The following UNC13A variants were observed in gnomAD, a reference collection of about 807,000 sequenced individuals.
UNC13A encodes unc-13 homolog A, also known as protein unc-13 homolog A.
In UNC13A, 61 loss-of-function variants were observed where a neutral mutation model predicts 219.7. The ratio of observed to expected loss-of-function variants is 0.28; its 90% CI spans 0.23 to 0.34. The LOEUF (loss-of-function observed/expected upper bound fraction) is 0.34, where lower values mean the gene tolerates loss of function less well. UNC13A is among the 10% of genes least tolerant of loss of function. The pLI is 1.00. For synonymous variants in UNC13A, 920 were observed against 884.6 expected (o/e 1.04, Z -0.71); for missense variants, 1,476 against 2,270.3 (o/e 0.65, Z 7.11).
Position 17,641,410 on chromosome 19 carries a change from G to C in UNC13A, c.2619C>G (p.Ser873=). Residue 873 remains serine (S), a synonymous_variant, in exon 21 of 44, where the codon TCC becomes TCG. Transcript: ENST00000519716. Reference sequence around the variant, plus strand: ...AGTCTCACGTCATGGCTTGGTAGATGGACTCGACGCCGTAGCGCATGGCAA... The same window carrying C: ...AGTCTCACGTCATGGCTTGGTAGATCGACTCGACGCCGTAGCGCATGGCAA... ...DEFAMRYGVE[S]IYQAMTHFAC... The C allele has an allele frequency of 6.2e-7, 1 of 1,613,936 alleles. No homozygotes were observed. Among genetic ancestry groups the C allele is most frequent in the South Asian group, 1.1e-5 (1 of 91,052 alleles).
Position 17,611,865 on chromosome 19 carries a change from G to A in UNC13A, c.4559-10C>T. ...TCTTCTACACCCAAGCCTGGGCAGGGCAGGGGAGGATGGTCAGCGTGAGCT... is the reference window on the plus strand; with the variant it reads ...TCTTCTACACCCAAGCCTGGGCAGGACAGGGGAGGATGGTCAGCGTGAGCT... On this transcript the variant is annotated splice_polypyrimidine_tract_variant and intron_variant, in intron 41 of 43. Coordinates refer to ENST00000519716, the MANE Select transcript of UNC13A (RefSeq NM_001080421.3). 1 of 1,612,742 alleles carries A rather than the reference G, an allele frequency of 6.2e-7. No homozygotes were observed. The highest frequency in any genetic ancestry group is 8.5e-7 in the Non-Finnish European group (1 of 1,178,894).
At chr19:17,656,433 A>AC in intron 9 of UNC13A, 35 bp from the exon 10 acceptor site, 1 of 1,467,940 alleles carries the variant, frequency 6.8e-7, no homozygotes, top group Non-Finnish European at 9.0e-7. Flanking sequence ...GGACTGGGGT[A>AC]CCGAGTCACT....
rs2079305925 is a variant in UNC13A, at chr19:17,649,545, G to A, written c.1482C>T (p.Ile494=). 2 of 1,613,922 alleles carry A rather than the reference G, an allele frequency of 1.2e-6. No individual in the cohort carries two copies. The highest frequency in any genetic ancestry group is 1.7e-6 in the Non-Finnish European group (2 of 1,179,874). Residue 494 remains isoleucine, a synonymous_variant, in exon 13 of 44, where the codon ATC becomes ATT. Transcript: ENST00000519716. The surrounding 1 kb of genome is among the most constrained non-coding windows in gnomAD (Gnocchi z 4.4). ...CGAGTGGGATAGGTTTCCTCTTGCG[G>A]ATGTCTGGCATGCTGTCGATGATGA... ...GLIIIDSMPD[I]RKRKPIPLVS...
chr19:17,628,302 C>CTCTTAT, intron 31 of UNC13A: 1 of 290,054 alleles, frequency 3.4e-6, no homozygotes, highest in South Asian at 4.6e-5. Flanking sequence ...GACAGTGACA[C>CTCTTAT]ACTGAAGGCG....
chr19:17,651,481 C>T (rs528681658), intron 12 of UNC13A, among the ~76,000 whole-genome samples: 2 of 152,346 alleles, frequency 1.3e-5, no homozygotes, highest in Non-Finnish European at 2.9e-5. Context: ...CTGCTTCAGC[C>T]TCCCAAAGTG....
chr19:17,656,225 G>C lies in UNC13A; in HGVS notation c.941C>G (p.Ser314Trp). 2 of 1,552,178 alleles carry C rather than the reference G, an allele frequency of 1.3e-6. No individual in the cohort carries two copies. Among genetic ancestry groups the C allele is most frequent in the Admixed American group, 2.0e-5 (1 of 50,992 alleles). Reference sequence around the variant, plus strand: ...TTCCTCATCCTGGTCCCAGCGAGGCGAGTCTTTGTGGTAGCTGACCGAGCT... The same window carrying C: ...TTCCTCATCCTGGTCCCAGCGAGGCCAGTCTTTGTGGTAGCTGACCGAGCT... The part of the protein sequence containing the change: ...CHSSVSYHKD[S>W]PRWDQDEEEL... The change falls in exon 10 of 44, where the codon TCG becomes TGG. Residue 314 changes from serine (S) to tryptophan (W), a missense_variant. Ser to Trp is a radical substitution (Grantham distance 177). This residue lies in a region of UNC13A where 351 missense variants were observed against 342.6 expected (regional missense o/e 1.02). Coordinates refer to ENST00000519716, the MANE Select transcript of UNC13A (RefSeq NM_001080421.3).
chr19:17,626,496 C>T lies in UNC13A; in HGVS notation c.4073+137G>A, dbSNP rs150329052. The T allele has an allele frequency of 5.8e-4, 538 of 920,768 alleles. No individual in the cohort carries two copies. The African/African-American group carries it at 8.4e-3, about 14-fold the overall frequency. The allele number at this position is 920,768 out of a possible 1,614,324, so 57.0% of individuals were successfully genotyped here. ...CCAACTTTCCATCCCCTTCATGCCA[C>T]CATCTACTCAGCCATCCAACTATCC... On this transcript the variant is annotated intron_variant, in intron 34 of 43. Coordinates refer to ENST00000519716, the MANE Select transcript of UNC13A (RefSeq NM_001080421.3).
At chr19:17,652,056 AAT>A (rs1312675751) in intron 12 of UNC13A, among the ~76,000 whole-genome samples, 1 of 152,110 alleles carries the variant, frequency 6.6e-6, no homozygotes, top group East Asian at 1.9e-4. Context: ...CAGGATTACA[AAT>A]ATATAGTGTA....
chr19:17,618,826 C>T, intron 39 of UNC13A, 80 bp downstream of exon 39: 1 of 1,391,968 alleles, frequency 7.2e-7, no homozygotes, highest in Non-Finnish European at 1.0e-6. Context: ...TGGGACCCCT[C>T]CCCCAGGATG....
intron 25 of UNC13A, among the ~76,000 whole-genome samples, chr19:17,638,351 C>T (rs2076932519): frequency 6.6e-6 from 1 of 151,980 alleles, no homozygotes; most frequent in Non-Finnish European, 1.5e-5. Context: ...GCCTATAGTC[C>T]CAGCTACTTG....
chr19:17,674,094 C>T lies in UNC13A; in HGVS notation c.152+563G>A, dbSNP rs1403043785. Reference sequence around the variant, plus strand: ...GAAATTGTAGCTTGGAGGTAGTGGTCAGGGAGGGCTTCACTGAGGAGGTGA... The same window carrying T: ...GAAATTGTAGCTTGGAGGTAGTGGTTAGGGAGGGCTTCACTGAGGAGGTGA... On this transcript the variant is annotated intron_variant, in intron 3 of 43. Coordinates refer to ENST00000519716, the MANE Select transcript of UNC13A (RefSeq NM_001080421.3). The surrounding 1 kb of genome is among the most constrained non-coding windows in gnomAD (Gnocchi z 5.0). Among the ~76,000 whole-genome samples, 3 of 152,162 alleles carry T rather than the reference C, an allele frequency of 2.0e-5. No homozygotes were observed. The highest frequency in any genetic ancestry group is 4.4e-5 in the Non-Finnish European group (3 of 68,026).
At chr19:17,608,806 A>G (rs564527681) in intron 43 of UNC13A, among the ~76,000 whole-genome samples, 323 of 151,802 alleles carry the variant, frequency 2.1e-3, no homozygotes, top group African/African-American at 7.2e-3. Flanking sequence ...GTGAGCCACC[A>G]CACCCAGCCA....
intron 38 of UNC13A, among the ~76,000 whole-genome samples, chr19:17,620,442 G>A (rs1022099426): frequency 8.5e-5 from 13 of 152,100 alleles, no homozygotes; most frequent in Non-Finnish European, 1.5e-4. Context: ...CTGGGCCTCA[G>A]TTTCCCCTGC....
intron 19 of UNC13A, among the ~76,000 whole-genome samples, chr19:17,644,038 C>A (rs1292710633): frequency 1.3e-5 from 2 of 152,196 alleles, no homozygotes; most frequent in Non-Finnish European, 2.9e-5. Context: ...TCTACCCCCT[C>A]AGATTAGGCT....
At chr19:17,680,978 C>A (rs2080004697) in intron 1 of UNC13A, among the ~76,000 whole-genome samples, 1 of 134,772 alleles carries the variant, frequency 7.4e-6, no homozygotes, top group African/African-American at 2.8e-5. Context: ...TGGCTCACTG[C>A]AGCCTCGATC....
intron 17 of UNC13A, 151 bp downstream of exon 17, chr19:17,647,114 C>T: frequency 1.4e-6 from 1 of 721,860 alleles, no homozygotes; most frequent in Non-Finnish European, 2.3e-6. Context: ...CATGTCCCCC[C>T]ATATGCGTGC....
Position 17,658,088 on chromosome 19 carries a change from C to T in UNC13A, c.741G>A (p.Glu247=). 4 of 1,613,734 alleles carry T rather than the reference C, an allele frequency of 2.5e-6. No homozygotes were observed. Among genetic ancestry groups the T allele is most frequent in the Non-Finnish European group, 3.4e-6 (4 of 1,179,820 alleles). Residue 247 remains glutamate (E), a synonymous_variant, in exon 9 of 44, where the codon GAG becomes GAA. Coordinates refer to ENST00000519716, the MANE Select transcript of UNC13A (RefSeq NM_001080421.3). ...TGAGGGCTTGTGGCTCAGAGAACTC[C>T]TCGTAACTGTGCATGGAGTCACTGT... ...ESYSDSMHSY[E]EFSEPQALSP...
chr19:17,642,067 C>G (rs149742590), intron 20 of UNC13A, among the ~76,000 whole-genome samples: 1 of 107,048 alleles, frequency 9.3e-6, no homozygotes. Context: ...TACCTATCTA[C>G]CCATCTGACT....
rs114376305 is a variant in UNC13A at position 17,675,885 on chromosome 19, C to G, written c.52+127G>C. ...CCTCCCCCTATTTAATCTTCTGACC[C>G]CTCTCCTGATGCTCAGAAGACATAA... On this transcript the variant is annotated intron_variant, in intron 2 of 43. Transcript: ENST00000519716. The G allele has an allele frequency of 3.7e-3, 4,587 of 1,246,796 alleles. 109 individuals are homozygous for G. The African/African-American group carries it at 0.058, about 16-fold the overall frequency. The allele number at this position is 1,246,796 out of a possible 1,614,324, so 77.2% of individuals were successfully genotyped here. A position where few individuals can be genotyped will look rare whatever the true frequency, so the allele number is the denominator to read the frequency against.
Sources: gnomAD v4.1 joint callset for allele counts (sites outside exome capture counted in the v4.1 genomes callset) on GRCh38, gnomAD v4.1.1 for gene constraint, gnomAD v4.1.1 regional missense constraint, Gnocchi (gnomAD v3.1) non-coding constraint, MANE v1.5 for transcripts, NCBI Gene and HGNC (gene_info 2026-07-23, HGNC 2026-07-21) for gene names.